Variants in KIF1C observed in about 807,000 individuals in gnomAD.
KIF1C encodes the protein kinesin family member 1C.
Under a neutral mutation model 126.5 loss-of-function variants are expected in KIF1C, and 61 were observed. The ratio of observed to expected loss-of-function variants is 0.48; its 90% CI spans 0.39 to 0.60. The LOEUF is 0.60. Among genes scored for constraint, KIF1C ranks in the 20% least tolerant of loss-of-function variants. KIF1C has a pLI of 0.00. For synonymous variants in KIF1C, 640 were observed against 580.6 expected (o/e 1.10, Z -1.47); for missense variants, 1,315 against 1,489.2 (o/e 0.88, Z 1.93).
At position 5,025,695 on chromosome 17, in the gene KIF1C, C is replaced by T. The variant is rs1434226911; in HGVS notation, c.*1544C>T. 1 of 152,144 alleles carries T rather than the reference C, an allele frequency of 6.6e-6. No individual in the cohort carries two copies. Among genetic ancestry groups the T allele is most frequent in the Non-Finnish European group, 1.5e-5 (1 of 68,044 alleles). The allele number at this position is 152,144 out of a possible 1,614,324, so 9.4% of individuals were successfully genotyped here. On this transcript the variant is annotated 3_prime_UTR_variant, in exon 23 of 23. Transcript: ENST00000320785. ...ATTAGCCGGGCATGGTGGCGGGGGC[C>T]TGTAGTCCCAGCTACTCAGGAGGCT...
Position 5,002,056 on chromosome 17 carries a change from C to T in KIF1C, c.364-3C>T. ...CTCTGTATTTCCCTGTGTCCCCCTC[C>T]AGCTCTGTGAGGACCTCTTCTCTCG... On this transcript the variant is annotated splice_region_variant and splice_polypyrimidine_tract_variant and intron_variant, in intron 5 of 22. Transcript: ENST00000320785. The T allele has an allele frequency of 6.2e-7, 1 of 1,613,870 alleles. No homozygotes were observed. Among genetic ancestry groups the T allele is most frequent in the Non-Finnish European group, 8.5e-7 (1 of 1,179,740 alleles).
rs528683733 is a variant in KIF1C at position 5,025,320 on chromosome 17, A to G, written c.*1169A>G. On this transcript the variant is annotated 3_prime_UTR_variant, in exon 23 of 23. Transcript: ENST00000320785. ...ATGCTTAACTGGCTGTTGCTGACAG[A>G]TACAGAAGGATTTGTGGGGTACAGA... 2.6e-5 allele frequency: 4 copies of G among 152,368 alleles called. No individual in the cohort carries two copies. Among genetic ancestry groups the G allele is most frequent in the African/African-American group, 9.6e-5 (4 of 41,576 alleles). The allele number at this position is 152,368 out of a possible 1,614,324, so 9.4% of individuals were successfully genotyped here.
At position 5,011,207 on chromosome 17, in the gene KIF1C, C is replaced by T. The variant is rs1974859029; in HGVS notation, c.1492-2446C>T. ...AAAGCCAGAAGAGAGAACTGTTAGA[C>T]TCATGGGGAAATGGGTTTGGTGTGA... On this transcript the variant is annotated intron_variant, in intron 16 of 22. Coordinates refer to ENST00000320785, the MANE Select transcript of KIF1C (RefSeq NM_006612.6). 2.0e-5 allele frequency among the ~76,000 whole-genome samples: 3 copies of T among 152,118 alleles called. No individual in the cohort carries two copies. The South Asian group carries it at 6.2e-4, about 31-fold the overall frequency.
At chr17:5,019,339 G>A (rs1031871376) in intron 18 of KIF1C, 1 of 167,778 alleles carries the variant, frequency 6.0e-6, no homozygotes, top group African/African-American at 2.4e-5. Flanking sequence ...TGGCTAAGGA[G>A]CTGCAGAGCC....
chr17:5,023,430 C>A lies in KIF1C; in HGVS notation c.2629-38C>A. On this transcript the variant is annotated intron_variant, in intron 22 of 22. Transcript: ENST00000320785. This position sits in a 1 kb window ranked among gnomAD's most constrained non-coding sequence, Gnocchi z 4.2. ...CACATGTCCTGAGGATTCAGCTCTC[C>A]TCACATCCCTTCTCCTTTTCTCACT... 1 of 1,570,338 alleles carries A rather than the reference C, an allele frequency of 6.4e-7. No homozygotes were observed. The highest frequency in any genetic ancestry group is 8.7e-7 in the Non-Finnish European group (1 of 1,145,010).
In KIF1C at chr17:5,020,634, G is replaced by A; in HGVS notation, c.1893G>A (p.Leu631=). 6.2e-7 allele frequency: 1 copy of A among 1,614,234 alleles called. No individual in the cohort carries two copies. The highest frequency in any genetic ancestry group is 8.5e-7 in the Non-Finnish European group (1 of 1,180,018). The part of the protein sequence containing the change: ...PVDWNFAQKE[L]LEQQGIDIKL... ...ACTGGAACTTTGCCCAGAAGGAACT[G>A]CTGGAGCAGCAAGGCATCGACATAA... Residue 631 remains leucine (L), a synonymous_variant, in exon 20 of 23, where the codon CTG becomes CTA. Coordinates refer to ENST00000320785, the MANE Select transcript of KIF1C (RefSeq NM_006612.6). The surrounding 1 kb of genome is among the most constrained non-coding windows in gnomAD (Gnocchi z 5.8).
intron 3 of KIF1C, 133 bp downstream of exon 3, chr17:5,000,485 G>A (rs1974556466): frequency 1.4e-6 from 1 of 696,088 alleles, no homozygotes; most frequent in South Asian, 1.8e-5. Flanking sequence ...TAAGGGCGGG[G>A]GCTGGGGCAG....
At chr17:5,000,002 A>T (rs1255242631) in intron 2 of KIF1C, 32 bp downstream of exon 2, 1 of 508,360 alleles carries the variant, frequency 2.0e-6, no homozygotes, top group Non-Finnish European at 3.6e-6. Flanking sequence ...GGTTCCTGCA[A>T]GCTGGAATAT....
At chr17:4,999,305 C>T (rs969019381) in intron 1 of KIF1C, among the ~76,000 whole-genome samples, 1 of 152,150 alleles carries the variant, frequency 6.6e-6, no homozygotes, top group South Asian at 2.1e-4. Flanking sequence ...TCTCCCTTGC[C>T]GACACTGTGG....
At position 5,022,251 on chromosome 17, in the gene KIF1C, A is replaced by G. The variant is rs1257145521; in HGVS notation, c.2170A>G (p.Arg724Gly). The change falls in exon 22 of 23, where the codon AGG (arginine) becomes GGG (glycine). Residue 724 changes from arginine (R) to glycine (G), a missense_variant. This residue lies in a region of KIF1C where 874 missense variants were observed against 1,053.2 expected (regional missense o/e 0.83). Coordinates refer to ENST00000320785, the MANE Select transcript of KIF1C (RefSeq NM_006612.6). The surrounding 1 kb of genome is among the most constrained non-coding windows in gnomAD (Gnocchi z 4.9). ...CAGTGGCAAGCGCAGGGCCCCTCGC[A>G]GGGTTTATCAGATCCCCCAGCGACG... is the stretch of plus-strand genomic sequence containing the variant. ...PSSGKRRAPR[R>G]VYQIPQRRRL... 6 of 1,614,150 alleles carry G rather than the reference A, an allele frequency of 3.7e-6. No individual in the cohort carries two copies. The Admixed American group carries it at 1.0e-4, about 27-fold the overall frequency.
chr17:5,000,659 A>AG, intron 3 of KIF1C, 113 bp from the exon 4 acceptor site: 1 of 978,044 alleles, frequency 1.0e-6, no homozygotes, highest in Admixed American at 1.8e-5. Flanking sequence ...GAGAAGAGTC[A>AG]GGACAGTGGT....
chr17:5,001,733 G>C (rs985484275), intron 5 of KIF1C, among the ~76,000 whole-genome samples: 7 of 152,214 alleles, frequency 4.6e-5, no homozygotes. Flanking sequence ...ACCACCAGCA[G>C]AGTGTTAACT....
intron 18 of KIF1C, among the ~76,000 whole-genome samples, 161 bp downstream of exon 18, chr17:5,014,998 A>G (rs887928108): frequency 6.6e-6 from 1 of 152,170 alleles, no homozygotes; most frequent in South Asian, 2.1e-4. Flanking sequence ...ATGGGTATGA[A>G]TGGAGGAATA....
chr17:5,007,532 C>T lies in KIF1C; in HGVS notation c.1481C>T (p.Ser494Phe). 1 of 1,554,232 alleles carries T rather than the reference C, an allele frequency of 6.4e-7. No individual in the cohort carries two copies. The highest frequency in any genetic ancestry group is 8.7e-7 in the Non-Finnish European group (1 of 1,151,574). The part of the protein sequence containing the change: ...REDGGTVGVF[S>F]PKKTPHLVNL... ...GATGGGGGAACTGTGGGCGTCTTCT[C>T]TCCAAAGAAGGTGAGTGAGGAATCG... The change falls in exon 16 of 23, where the codon TCT becomes TTT. Residue 494 changes from serine (S) to phenylalanine (F), a missense_variant. Ser to Phe is a radical substitution (Grantham distance 155). Transcript: ENST00000320785.
intron 16 of KIF1C, among the ~76,000 whole-genome samples, chr17:5,013,448 G>A (rs1007565308): frequency 1.4e-4 from 22 of 152,086 alleles, no homozygotes; most frequent in African/African-American, 5.3e-4. Flanking sequence ...GAAGGCGGTT[G>A]GTGTGAGAGG....
intron 18 of KIF1C, among the ~76,000 whole-genome samples, chr17:5,016,503 G>A (rs1006036761): frequency 1.3e-5 from 2 of 151,260 alleles, no homozygotes; most frequent in Admixed American, 6.6e-5. Flanking sequence ...CACCTGCCTC[G>A]GCCTCCCAAA....
rs755080446 is a variant in KIF1C, at chr17:5,022,217, T to C, written c.2136T>C (p.Gly712=). The C allele has an allele frequency of 3.7e-6, 6 of 1,614,166 alleles. No homozygotes were observed. The South Asian group carries it at 6.6e-5, about 18-fold the overall frequency. ...TTVQTIVKRC[G]LPSSGKRRAP... is the part of the protein sequence containing the mutation. ...TCCAGACCATTGTCAAACGCTGTGGTCTGCCCAGCAGTGGCAAGCGCAGGG... is the reference window on the plus strand; with the variant it reads ...TCCAGACCATTGTCAAACGCTGTGGCCTGCCCAGCAGTGGCAAGCGCAGGG... The change falls in exon 22 of 23, where the codon GGT becomes GGC. Residue 712 remains glycine (G), a synonymous_variant. Transcript: ENST00000320785. This position sits in a 1 kb window ranked among gnomAD's most constrained non-coding sequence, Gnocchi z 4.9.
intron 1 of KIF1C, among the ~76,000 whole-genome samples, 166 bp from the exon 2 acceptor site, chr17:4,999,684 T>C (rs1297019025): frequency 6.6e-6 from 1 of 152,144 alleles, no homozygotes; most frequent in African/African-American, 2.4e-5. Context: ...AATAAAAATA[T>C]CACCGTCCCT....
Position 5,001,259 on chromosome 17 carries a change from A to T in KIF1C, c.221A>T (p.Tyr74Phe). The T allele has an allele frequency of 6.2e-7, 1 of 1,614,150 alleles. No homozygotes were observed. The highest frequency in any genetic ancestry group is 2.2e-5 in the East Asian group (1 of 44,888). The change falls in exon 5 of 23, where the codon TAT (tyrosine) becomes TTT (phenylalanine). Residue 74 changes from tyrosine to phenylalanine, a missense_variant. This residue lies in a region of KIF1C where 874 missense variants were observed against 1,053.2 expected (regional missense o/e 0.83). Coordinates refer to ENST00000320785, the MANE Select transcript of KIF1C (RefSeq NM_006612.6). ...CAGTTTGCATCTCAGCAGCAAGTGT[A>T]TCGGGACATTGGAGAAGAGATGCTG... ...DPQFASQQQV[Y>F]RDIGEEMLLH...
Sources: allele counts gnomAD v4.1 joint callset (sites outside exome capture counted in the v4.1 genomes callset), GRCh38; gene constraint gnomAD v4.1.1; regional missense constraint gnomAD v4.1.1; non-coding constraint Gnocchi (gnomAD v3.1); transcripts MANE v1.5; gene names NCBI Gene and HGNC (gene_info 2026-07-23, HGNC 2026-07-21).